LUZP2: variants seen among roughly 807,000 people sequenced by gnomAD.
LUZP2 encodes leucine zipper protein 2.
Under a neutral mutation model 51.6 loss-of-function variants are expected in LUZP2, and 52 were observed. The observed-to-expected ratio is 1.01, with a 90% CI of 0.81 to 1.27. The LOEUF (loss-of-function observed/expected upper bound fraction) is 1.27, where lower values mean the gene tolerates loss of function less well. Among genes scored for constraint, LUZP2 ranks in the 50% most tolerant of loss-of-function variants. The pLI, the probability that LUZP2 is intolerant of heterozygous loss-of-function variation, is 0.00. For synonymous variants in LUZP2, 154 were observed against 137.3 expected, an observed-to-expected ratio of 1.12 and a Z score of -0.85; for missense variants, 436 against 395.4, an observed-to-expected ratio of 1.10 and a Z score of -0.87.
At chr11:24,807,223 A>G (rs1425050657) in intron 5 of LUZP2, among the ~76,000 whole-genome samples, 1 of 151,988 alleles carries the variant, frequency 6.6e-6, no homozygotes, top group Admixed American at 6.6e-5. Flanking sequence ...TGGGAGGCCA[A>G]GGTGGGAGGT....
chr11:24,948,809 T>TTC (rs1854977714), intron 7 of LUZP2, among the ~76,000 whole-genome samples: 1 of 115,920 alleles, frequency 8.6e-6, no homozygotes, highest in Non-Finnish European at 2.0e-5. Flanking sequence ...AAACTCTATC[T>TTC]ATCTATCTAT....
At chr11:25,027,703 C>T (rs568523313) in intron 9 of LUZP2, among the ~76,000 whole-genome samples, 1 of 151,910 alleles carries the variant, frequency 6.6e-6, no homozygotes, top group Non-Finnish European at 1.5e-5. Flanking sequence ...AACCCCATCT[C>T]TACTAAAAAT....
chr11:25,062,019 A>T (rs1858853544), intron 10 of LUZP2, among the ~76,000 whole-genome samples: 1 of 146,754 alleles, frequency 6.8e-6, no homozygotes. Flanking sequence ...ACAGATGGAA[A>T]TATATCATTG....
intron 1 of LUZP2, among the ~76,000 whole-genome samples, chr11:24,703,865 C>CA (rs68058102): frequency 0.82 from 123,618 of 150,438 alleles, 50,821 homozygotes; most frequent in East Asian, 0.93. Context: ...AAAAAACGAA[C>CA]AAAAAAAAAC....
At chr11:25,034,117 C>A (rs764837091) in intron 9 of LUZP2, among the ~76,000 whole-genome samples, 4 of 152,190 alleles carry the variant, frequency 2.6e-5, no homozygotes, top group Non-Finnish European at 4.4e-5. Flanking sequence ...TTAATAATAG[C>A]CATCCTAATT....
intron 5 of LUZP2, among the ~76,000 whole-genome samples, chr11:24,820,501 T>G: frequency 6.6e-6 from 1 of 152,086 alleles, no homozygotes; most frequent in East Asian, 1.9e-4. Context: ...TGCCCTTGTT[T>G]AGATTTGTTT....
intron 9 of LUZP2, among the ~76,000 whole-genome samples, chr11:25,014,643 G>T (rs930971497): frequency 3.9e-5 from 6 of 152,100 alleles, no homozygotes; most frequent in Non-Finnish European, 2.9e-5. Context: ...GTAGATTCTG[G>T]ATATTAGCCT....
intron 5 of LUZP2, among the ~76,000 whole-genome samples, chr11:24,871,863 T>C (rs1293253919): frequency 6.6e-6 from 1 of 152,108 alleles, no homozygotes; most frequent in East Asian, 1.9e-4. Context: ...TGCTATGCAG[T>C]TACGTTAGGA....
intron 10 of LUZP2, among the ~76,000 whole-genome samples, chr11:25,052,134 C>G (rs1858534906): frequency 6.6e-6 from 1 of 152,100 alleles, no homozygotes; most frequent in Non-Finnish European, 1.5e-5. Flanking sequence ...GTCTCTACTC[C>G]TAAGAAGCTA....
intron 5 of LUZP2, among the ~76,000 whole-genome samples, chr11:24,764,818 C>G (rs925842833): frequency 8.5e-5 from 13 of 152,084 alleles, no homozygotes; most frequent in Admixed American, 7.9e-4. Context: ...AATGAGATTC[C>G]ATCTCTACCA....
At chr11:24,550,596 A>G (rs1224654652) in intron 1 of LUZP2, among the ~76,000 whole-genome samples, 1 of 152,102 alleles carries the variant, frequency 6.6e-6, no homozygotes, top group Admixed American at 6.6e-5. Context: ...AGCAACTTGA[A>G]TCTTTCTAAT....
intron 5 of LUZP2, among the ~76,000 whole-genome samples, chr11:24,814,046 T>C (rs1850099561): frequency 6.6e-6 from 1 of 152,228 alleles, no homozygotes; most frequent in African/African-American, 2.4e-5. Flanking sequence ...GAACAATTGG[T>C]AGTGTTAGCT....
chr11:24,786,553 G>C, intron 5 of LUZP2: 3 of 426,858 alleles, frequency 7.0e-6, no homozygotes, highest in Non-Finnish European at 9.2e-6. Context: ...TATATAAACA[G>C]GTGTATATAA....
chr11:24,962,612 C>A (rs1298182931), intron 7 of LUZP2, among the ~76,000 whole-genome samples: 1 of 152,230 alleles, frequency 6.6e-6, no homozygotes, highest in Non-Finnish European at 1.5e-5. Context: ...GCTTTCAGCT[C>A]CATCAGCTCC....
chr11:24,745,313 C>A (rs1208745520), intron 4 of LUZP2, among the ~76,000 whole-genome samples: 1 of 152,042 alleles, frequency 6.6e-6, no homozygotes, highest in Non-Finnish European at 1.5e-5. Flanking sequence ...GTATTGAAGT[C>A]CCCCACTATT....
At chr11:24,599,838 T>C (rs751910268) in intron 1 of LUZP2, among the ~76,000 whole-genome samples, 10 of 152,162 alleles carry the variant, frequency 6.6e-5, no homozygotes, top group Non-Finnish European at 2.9e-5. Flanking sequence ...AAGATTTTCC[T>C]CATTCATATG....
intron 1 of LUZP2, among the ~76,000 whole-genome samples, chr11:24,623,704 A>G (rs2133911641): frequency 6.6e-6 from 1 of 152,180 alleles, no homozygotes; most frequent in Admixed American, 6.5e-5. Flanking sequence ...AAAATTAGCC[A>G]GGAGTGGTGG....
At chr11:25,044,176 TAC>T (rs1373492759) in intron 9 of LUZP2, among the ~76,000 whole-genome samples, 76 of 41,038 alleles carry the variant, frequency 1.9e-3, no homozygotes, top group African/African-American at 3.9e-3. Flanking sequence ...TCTCTATATA[TAC>T]ACACACACAT....
chr11:24,690,250 C>A (rs1213912909), intron 1 of LUZP2, among the ~76,000 whole-genome samples: 1 of 151,972 alleles, frequency 6.6e-6, no homozygotes, highest in African/African-American at 2.4e-5. Flanking sequence ...TAAAAAGTCT[C>A]TTTTCCAAGG....
Sources: gnomAD v4.1 joint callset for allele counts (sites outside exome capture counted in the v4.1 genomes callset) on GRCh38, gnomAD v4.1.1 for gene constraint, MANE v1.5 for transcripts, NCBI Gene and HGNC (gene_info 2026-07-23, HGNC 2026-07-21) for gene names.